PECAM1: variants seen among roughly 807,000 people sequenced by gnomAD.
The protein encoded by PECAM1 is platelet and endothelial cell adhesion molecule 1.
In PECAM1, 8 loss-of-function variants were observed where a neutral mutation model predicts 13.8. The observed-to-expected ratio is 0.58, with a 90% CI of 0.34 to 1.05. PECAM1 has a LOEUF of 1.05. PECAM1 is among the 50% of genes least tolerant of loss of function. PECAM1 has a pLI of 0.03. For synonymous variants in PECAM1, 136 were observed against 52.6 expected, an observed-to-expected ratio of 2.58 and a Z score of -6.86; for missense variants, 304 against 141.2, an observed-to-expected ratio of 2.15 and a Z score of -5.84.
chr17:64,332,450 C>T (rs1353317709), intron 14 of PECAM1, among the ~76,000 whole-genome samples: 1 of 152,222 alleles, frequency 6.6e-6, no homozygotes, highest in Non-Finnish European at 1.5e-5. Flanking sequence ...ACGGATGGAA[C>T]ACTTACTCCA....
chr17:64,386,158 A>G (rs1371880272), intron 2 of PECAM1, among the ~76,000 whole-genome samples: 6 of 152,224 alleles, frequency 3.9e-5, no homozygotes, highest in Non-Finnish European at 8.8e-5. Flanking sequence ...GAATCCCAGC[A>G]CTTCGGGAGG....
chr17:64,323,060 T>C lies in PECAM1; in HGVS notation c.*756A>G, dbSNP rs1374183284. ...TAAGAAACATACACATTTCAAGTTT[T>C]CAATTAAGAATAATATTTGCTGATG... On this transcript the variant is annotated 3_prime_UTR_variant, in exon 16 of 16. Transcript: ENST00000563924. 6 of 984,928 alleles carry C rather than the reference T, an allele frequency of 6.1e-6. No individual in the cohort carries two copies. The African/African-American group carries it at 1.0e-4, about 17-fold the overall frequency. The allele number at this position is 984,928 out of a possible 1,614,324, so 61.0% of individuals were successfully genotyped here. A position where few individuals can be genotyped will look rare whatever the true frequency, so the allele number is the denominator to read the frequency against.
intron 13 of PECAM1, among the ~76,000 whole-genome samples, chr17:64,345,343 GT>G (rs1307285361): frequency 6.6e-6 from 1 of 152,120 alleles, no homozygotes. Flanking sequence ...GGGAGGGTCT[GT>G]ATGTGCTTGT....
intron 13 of PECAM1, among the ~76,000 whole-genome samples, chr17:64,347,093 G>A (rs966333912): frequency 1.8e-4 from 27 of 152,168 alleles, no homozygotes; most frequent in Non-Finnish European, 4.4e-5. Context: ...AAAATGGCCA[G>A]GTGTGGTGGC....
intron 5 of PECAM1, among the ~76,000 whole-genome samples, chr17:64,366,091 A>C (rs2036097529): frequency 1.3e-5 from 2 of 148,550 alleles, no homozygotes; most frequent in Admixed American, 1.4e-4. Context: ...AAGGGCTAAT[A>C]TCCAGAATCT....
intron 2 of PECAM1, among the ~76,000 whole-genome samples, chr17:64,387,217 T>G (rs1446941765): frequency 6.6e-6 from 1 of 152,096 alleles, no homozygotes; most frequent in African/African-American, 2.4e-5. Context: ...GGGCTGGAAG[T>G]GTCCGTTGCA....
intron 2 of PECAM1, among the ~76,000 whole-genome samples, chr17:64,380,903 C>A (rs1312224977): frequency 2.6e-5 from 4 of 152,142 alleles, no homozygotes; most frequent in Non-Finnish European, 5.9e-5. Flanking sequence ...AGGGGAATCA[C>A]TTGAACCTGG....
At position 64,319,816 on chromosome 17, in the gene PECAM1, G is replaced by C. The variant is rs111718056; in HGVS notation, c.*4000C>G. 9.2e-5 allele frequency: 14 copies of C among 152,100 alleles called. No individual in the cohort carries two copies. Among genetic ancestry groups the C allele is most frequent in the Admixed American group, 3.9e-4 (6 of 15,252 alleles). 9.4% of individuals were successfully genotyped at this position (152,100 alleles called of 1,614,324 possible). ...CTTGCCCAGCTCCTGAGATCTTATC[G>C]GGAAGCGGCTGATCACCAGATCAGG... On this transcript the variant is annotated 3_prime_UTR_variant, in exon 16 of 16. Transcript: ENST00000563924.
At chr17:64,353,332 CACACACACAA>C (rs2035774102) in intron 10 of PECAM1, among the ~76,000 whole-genome samples, 149 bp downstream of exon 10, 3 of 149,258 alleles carry the variant, frequency 2.0e-5, no homozygotes, top group African/African-American at 7.5e-5. Context: ...CACACACACA[CACACACACAA>C]CTCACACACA....
At chr17:64,353,962 C>T (rs1467648062) in intron 9 of PECAM1, among the ~76,000 whole-genome samples, 1 of 138,692 alleles carries the variant, frequency 7.2e-6, no homozygotes, top group Non-Finnish European at 1.5e-5. Flanking sequence ...TTTTTTGAGA[C>T]AGAGTCTTGC....
chr17:64,350,270 G>C (rs1365163458), intron 12 of PECAM1, 110 bp downstream of exon 12: 2 of 393,616 alleles, frequency 5.1e-6, no homozygotes, highest in Admixed American at 9.0e-5. Context: ...GGGTCATTAA[G>C]AGAGGTGGGA....
chr17:64,347,396 C>T lies in PECAM1; in HGVS notation c.2107+864G>A, dbSNP rs1022972787. ...AAATAAATAAATTAGCCGGCTGTGG[C>T]GGTGCATGCCTGTAATCCCAGCTAC... On this transcript the variant is annotated intron_variant, in intron 13 of 15. Coordinates refer to ENST00000563924, the MANE Select transcript of PECAM1 (RefSeq NM_000442.5). Among the ~76,000 whole-genome samples the T allele has an allele frequency of 8.0e-4, 120 of 150,194 alleles. No individual in the cohort carries two copies. The East Asian group carries it at 0.022, about 27-fold the overall frequency.
chr17:64,390,290 A>T (rs1276512925), intron 2 of PECAM1, 199 bp downstream of exon 2: 2 of 399,058 alleles, frequency 5.0e-6, no homozygotes, highest in African/African-American at 4.1e-5. Context: ...CTTCTAAAAC[A>T]CACTGACCAG....
intron 11 of PECAM1, 127 bp downstream of exon 11, chr17:64,352,263 C>G: frequency 2.4e-6 from 1 of 408,828 alleles, no homozygotes; most frequent in East Asian, 3.6e-5. Context: ...AGATGAAGTA[C>G]CCTGTTGAAG....
At position 64,356,203 on chromosome 17, in the gene PECAM1, C is replaced by T. The variant is rs12953; in HGVS notation, c.1688G>A (p.Ser563Asn). Reference protein sequence around the residue: ...TQAFWTKQKASKEQEGEYYCT... With the variant: ...TQAFWTKQKANKEQEGEYYCT... ...GTAATACTCTCCCTCCTGTTCCTTG[C>T]TAGCCTTCTGCTTGGTCCAAAATGC... Residue 563 changes from serine to asparagine, a missense_variant, in exon 8 of 16, where the codon AGC becomes AAC. Transcript: ENST00000563924. The T allele has an allele frequency of 0.44, 210,074 of 474,152 alleles. 50,015 individuals are homozygous for T. Among genetic ancestry groups the T allele is most frequent in the East Asian group, 0.49 (15,760 of 31,892 alleles). 29.4% of individuals were successfully genotyped at this position (474,152 alleles called of 1,614,324 possible).
intron 13 of PECAM1, among the ~76,000 whole-genome samples, chr17:64,343,327 C>T (rs1314968276): frequency 1.3e-5 from 2 of 152,194 alleles, no homozygotes; most frequent in African/African-American, 2.4e-5. Context: ...CATTTCCCCA[C>T]GACCCTGGTG....
chr17:64,346,940 G>A (rs2035583090), intron 13 of PECAM1, among the ~76,000 whole-genome samples: 1 of 152,186 alleles, frequency 6.6e-6, no homozygotes, highest in Non-Finnish European at 1.5e-5. Context: ...GTCTGCACAA[G>A]CAACTTTAGG....
At chr17:64,342,511 G>A (rs1267864208) in intron 13 of PECAM1, among the ~76,000 whole-genome samples, 5 of 152,212 alleles carry the variant, frequency 3.3e-5, no homozygotes, top group African/African-American at 4.8e-5. Flanking sequence ...CTGGGACTGA[G>A]AACTCTTACA....
chr17:64,348,253 C>T lies in PECAM1; in HGVS notation c.2107+7G>A. On this transcript the variant is annotated splice_region_variant and intron_variant, in intron 13 of 15. Coordinates refer to ENST00000563924, the MANE Select transcript of PECAM1 (RefSeq NM_000442.5). ...AATGCCTGGGGACTCACTCGAGTGG[C>T]ACTTACCTTTGTGAGACTCAGCTGA... 1 of 475,212 alleles carries T rather than the reference C, an allele frequency of 2.1e-6. No individual in the cohort carries two copies. The highest frequency in any genetic ancestry group is 3.9e-6 in the Non-Finnish European group (1 of 259,002). 29.4% of individuals were successfully genotyped at this position (475,212 alleles called of 1,614,324 possible).
Sources: gnomAD v4.1 joint callset for allele counts (sites outside exome capture counted in the v4.1 genomes callset) on GRCh38, gnomAD v4.1.1 for gene constraint, MANE v1.5 for transcripts, NCBI Gene and HGNC (gene_info 2026-07-23, HGNC 2026-07-21) for gene names.